NCKAP5: variants seen among roughly 807,000 people sequenced by gnomAD.
NCKAP5 encodes NCK associated protein 5.
A neutral mutation model predicts 167.0 loss-of-function variants in NCKAP5; 92 were observed. The observed-to-expected ratio is 0.55, with a 90% confidence interval of 0.47 to 0.66. The LOEUF (loss-of-function observed/expected upper bound fraction) is 0.66, where lower values mean the gene tolerates loss of function less well. Ranked by LOEUF, NCKAP5 falls within the 30% of genes least tolerant of loss-of-function variation. NCKAP5 has a pLI of 0.00. For missense variants in NCKAP5, 2,378 were observed against 2,315.0 expected (o/e 1.03, Z -0.56); for synonymous variants, 891 against 877.4 (o/e 1.02, Z -0.27).
intron 3 of NCKAP5, among the ~76,000 whole-genome samples, chr2:133,334,697 C>T (rs1472566539): frequency 6.6e-6 from 1 of 152,132 alleles, no homozygotes; most frequent in Non-Finnish European, 1.5e-5. Context: ...GTGATAACTA[C>T]CCCCTTGAAG....
In NCKAP5 at chr2:133,015,359, CTTT is replaced by C. The variant is rs11347448; in HGVS notation, c.342-21123_342-21121del. Among the ~76,000 whole-genome samples, 6 of 151,230 alleles carry C rather than the reference CTTT, an allele frequency of 4.0e-5. No homozygotes were observed. In the South Asian group the frequency reaches 1.3e-3, roughly 32 times the overall value. The stretch of plus-strand genomic sequence containing the variant: ...TTTGACCAGATAAAAGAACCGAACT[CTTT>C]TTTTTTTCTCCTGGAGACATTCTGA... On this transcript the variant is annotated intron_variant, in intron 6 of 19. Transcript: ENST00000409261.
intron 1 of NCKAP5, among the ~76,000 whole-genome samples, chr2:133,561,646 T>C (rs1688166031): frequency 6.6e-6 from 1 of 152,148 alleles, no homozygotes; most frequent in Admixed American, 6.6e-5. Flanking sequence ...CTGGCTGTAA[T>C]GAGAATAAAA....
At chr2:132,944,696 C>T (rs1442413927) in intron 8 of NCKAP5, among the ~76,000 whole-genome samples, 1 of 152,212 alleles carries the variant, frequency 6.6e-6, no homozygotes, top group African/African-American at 2.4e-5. Flanking sequence ...CTTTAATATT[C>T]TCTTCCAGTA....
intron 1 of NCKAP5, among the ~76,000 whole-genome samples, chr2:133,564,831 G>T (rs1276934141): frequency 6.6e-6 from 1 of 152,174 alleles, no homozygotes; most frequent in Non-Finnish European, 1.5e-5. Context: ...CAGGGCAGGA[G>T]TCAAGTGGAA....
chr2:133,249,719 C>G (rs2088203966), intron 4 of NCKAP5, among the ~76,000 whole-genome samples: 1 of 152,158 alleles, frequency 6.6e-6, no homozygotes, highest in African/African-American at 2.4e-5. Flanking sequence ...AGCTGACAAT[C>G]TGACAATAAA....
intron 6 of NCKAP5, among the ~76,000 whole-genome samples, chr2:133,125,621 T>G (rs542879362): frequency 8.5e-5 from 13 of 152,196 alleles, no homozygotes; most frequent in Non-Finnish European, 1.6e-4. Flanking sequence ...AATAATAAGA[T>G]AAAGTGGCAG....
chr2:132,679,066 T>A (rs1379373455), intron 19 of NCKAP5, among the ~76,000 whole-genome samples: 1 of 151,932 alleles, frequency 6.6e-6, no homozygotes, highest in Non-Finnish European at 1.5e-5. Flanking sequence ...CTTAAAAAAA[T>A]AAAAGAAAAA....
At chr2:133,219,747 G>A (rs1304897603) in intron 4 of NCKAP5, among the ~76,000 whole-genome samples, 9 of 151,486 alleles carry the variant, frequency 5.9e-5, no homozygotes, top group East Asian at 5.8e-4. Flanking sequence ...GCATGAAAAC[G>A]TTATTTTTGT....
chr2:133,602,229 T>C, the NCKAP5 span, among the ~76,000 whole-genome samples: 2 of 152,130 alleles, frequency 1.3e-5, no homozygotes, highest in Non-Finnish European at 2.9e-5. Context: ...GTGTTTGACC[T>C]GAGCCTTGGA....
chr2:133,207,388 C>A (rs2086001328), intron 5 of NCKAP5, among the ~76,000 whole-genome samples: 1 of 152,144 alleles, frequency 6.6e-6, no homozygotes, highest in African/African-American at 2.4e-5. Context: ...TCTATTATTA[C>A]TGTCAATTAT....
the NCKAP5 span, among the ~76,000 whole-genome samples, chr2:133,664,569 G>A: frequency 4.6e-5 from 7 of 152,190 alleles, no homozygotes; most frequent in East Asian, 1.9e-4. Context: ...GTGCAATCTC[G>A]GCTCACTGCA....
intron 5 of NCKAP5, among the ~76,000 whole-genome samples, chr2:133,178,038 T>C (rs1194284590): frequency 6.6e-6 from 1 of 152,128 alleles, no homozygotes; most frequent in Non-Finnish European, 1.5e-5. Flanking sequence ...GGAAGCCTAG[T>C]AGGGAGCCAG....
intron 12 of NCKAP5, among the ~76,000 whole-genome samples, chr2:132,794,288 A>ATC (rs1684371545): frequency 8.3e-6 from 1 of 120,206 alleles, no homozygotes; most frequent in Non-Finnish European, 1.8e-5. Context: ...AGAGAGAGAG[A>ATC]GAGAGAGAGA....
chr2:133,112,703 T>C (rs1283522076), intron 6 of NCKAP5, among the ~76,000 whole-genome samples: 4 of 152,218 alleles, frequency 2.6e-5, no homozygotes, highest in South Asian at 4.1e-4. Flanking sequence ...CTCAGAAGTA[T>C]TGGAAACCCT....
intron 3 of NCKAP5, among the ~76,000 whole-genome samples, chr2:133,332,626 AT>A (rs1314540300): frequency 7.2e-5 from 11 of 152,212 alleles, no homozygotes; most frequent in Admixed American, 4.6e-4. Flanking sequence ...TGTCCACTGT[AT>A]TTGAAAAGAA....
intron 19 of NCKAP5, among the ~76,000 whole-genome samples, chr2:132,686,231 A>C (rs1685915694): frequency 6.6e-6 from 1 of 152,230 alleles, no homozygotes; most frequent in Non-Finnish European, 1.5e-5. Flanking sequence ...CAGCCAGCTG[A>C]GGATGGCAGC....
chr2:133,163,051 C>T lies in NCKAP5; in HGVS notation c.208-32940G>A, dbSNP rs113190944. 1.5e-3 allele frequency among the ~76,000 whole-genome samples: 223 copies of T among 152,176 alleles called. 1 individual carries two copies. The highest frequency in any genetic ancestry group is 7.7e-3 in the South Asian group (37 of 4,818). ...GTTGCATGTCAGCAAATGGGGGAAACGTTCTAAAATGCCCTACCTTTATAC... is the reference window on the plus strand; with the variant it reads ...GTTGCATGTCAGCAAATGGGGGAAATGTTCTAAAATGCCCTACCTTTATAC... On this transcript the variant is annotated intron_variant, in intron 5 of 19. Transcript: ENST00000409261.
intron 16 of NCKAP5, among the ~76,000 whole-genome samples, chr2:132,745,541 T>C (rs1679565632): frequency 6.6e-6 from 1 of 151,888 alleles, no homozygotes; most frequent in Non-Finnish European, 1.5e-5. Context: ...ACTGAGAGCA[T>C]GTTAAGAATG....
the NCKAP5 span, among the ~76,000 whole-genome samples, chr2:133,615,758 C>T: frequency 6.6e-6 from 1 of 152,110 alleles, no homozygotes; most frequent in African/African-American, 2.4e-5. Context: ...AGAAAGTCAA[C>T]AAGGATACCC....
Sources: gnomAD v4.1 joint callset for allele counts (sites outside exome capture counted in the v4.1 genomes callset) on GRCh38, gnomAD v4.1.1 for gene constraint, MANE v1.5 for transcripts, NCBI Gene and HGNC (gene_info 2026-07-23, HGNC 2026-07-21) for gene names.